The following CCZ1 variants were observed in gnomAD, a reference collection of about 807,000 sequenced individuals.
CCZ1 encodes the protein vacuolar fusion protein CCZ1 homolog.
A neutral mutation model predicts 57.8 loss-of-function variants in CCZ1; 19 were observed. That is an observed-to-expected ratio of 0.33 (90% CI 0.23 to 0.48). The LOEUF is 0.48. CCZ1 is among the 20% of genes least tolerant of loss of function. CCZ1 has a pLI of 0.99. For missense variants in CCZ1, 200 were observed against 492.0 expected (o/e 0.41, Z 5.61); for synonymous variants, 81 against 167.0 (o/e 0.49, Z 3.97).
chr7:5,914,179 T>C (rs1422166251), intron 10 of CCZ1, among the ~76,000 whole-genome samples: 2 of 147,804 alleles, frequency 1.4e-5, no homozygotes, highest in Non-Finnish European at 3.0e-5. Flanking sequence ...CCAGGTGCAG[T>C]CCCAGCACTT....
In CCZ1 at chr7:5,906,315, CTTTCTTTCTTTT is replaced by C. The variant is rs770297526; in HGVS notation, c.698+1050_698+1061del. Among the ~76,000 whole-genome samples, 680 of 110,108 alleles carry C rather than the reference CTTTCTTTCTTTT, an allele frequency of 6.2e-3. 45 individuals are homozygous for C. The highest frequency in any genetic ancestry group is 0.021 in the African/African-American group (575 of 27,140). 72.2% of individuals were successfully genotyped at this position (110,108 alleles called of 152,430 possible). A position where few individuals can be genotyped will look rare whatever the true frequency, so the allele number is the denominator to read the frequency against. On this transcript the variant is annotated intron_variant, in intron 7 of 14. Transcript: ENST00000325974. ...GTTCCCGTTGACTAGAGCCCACTTT[CTTTCTTTCTTTT>C]TTTTTTTTTTTTTTGAGACGGAGTC...
chr7:5,911,741 T>C, intron 8 of CCZ1, 120 bp from the exon 9 acceptor site: 1 of 1,192,584 alleles, frequency 8.4e-7, no homozygotes, highest in Non-Finnish European at 1.2e-6. Flanking sequence ...AACAAGATCC[T>C]GTCTCTAAAA....
At chr7:5,909,783 A>C (rs1307784159) in intron 7 of CCZ1, among the ~76,000 whole-genome samples, 3 of 150,194 alleles carry the variant, frequency 2.0e-5, no homozygotes, top group Non-Finnish European at 2.9e-5. Context: ...TTGACAAAGT[A>C]TACCACGTAA....
chr7:5,914,753 C>T (rs1372627883), intron 10 of CCZ1, among the ~76,000 whole-genome samples: 3 of 147,124 alleles, frequency 2.0e-5, no homozygotes, highest in African/African-American at 7.6e-5. Context: ...GCACACGCCT[C>T]TAATCCCAGC....
rs1781608621 is a variant in CCZ1 at position 5,898,813 on chromosome 7, CGGCCGG to C, written c.22_27del (p.Ala8_Gly9del). 1 of 394,178 alleles carries C rather than the reference CGGCCGG, an allele frequency of 2.5e-6. No individual in the cohort carries two copies. Among genetic ancestry groups the C allele is most frequent in the Non-Finnish European group, 4.3e-6 (1 of 231,188 alleles). The allele number at this position is 394,178 out of a possible 1,614,324, so 24.4% of individuals were successfully genotyped here. The stretch of plus-strand genomic sequence containing the variant: ...GGCCGGGGCGGGATGGCTGCAGCGG[CGGCCGG>C]GGCCGGGAGCGGGCCCTGGGCGGCC... On this transcript the variant is annotated inframe_deletion, in exon 1 of 15. Transcript: ENST00000325974.
chr7:5,909,508 C>G (rs772109101), intron 7 of CCZ1, among the ~76,000 whole-genome samples: 5 of 147,762 alleles, frequency 3.4e-5, no homozygotes, highest in Non-Finnish European at 6.0e-5. Flanking sequence ...TCGAAACCAG[C>G]CTGGCAACGT....
At chr7:5,920,617 G>A (rs1454177058) in intron 12 of CCZ1, among the ~76,000 whole-genome samples, 15 of 136,864 alleles carry the variant, frequency 1.1e-4, no homozygotes, top group African/African-American at 3.2e-4. Context: ...GATTACAGGC[G>A]TGCACCACCA....
intron 6 of CCZ1, among the ~76,000 whole-genome samples, chr7:5,903,247 G>T (rs1470781881): frequency 6.9e-6 from 1 of 145,104 alleles, no homozygotes; most frequent in Non-Finnish European, 1.5e-5. Context: ...CGTTGTAATT[G>T]AATTTTGCAT....
At chr7:5,912,377 CTTTTTTTTTTTTTTTTTTTTTT>C (rs4036238) in intron 9 of CCZ1, among the ~76,000 whole-genome samples, 1 of 54,672 alleles carries the variant, frequency 1.8e-5, no homozygotes, top group East Asian at 6.0e-4. Context: ...TCAGCATACC[CTTTTTTTTTTTTTTTTTTTTTT>C]TTTTTTTTTT....
At chr7:5,920,619 G>A (rs1779221285) in intron 12 of CCZ1, among the ~76,000 whole-genome samples, 2 of 137,690 alleles carry the variant, frequency 1.5e-5, no homozygotes, top group South Asian at 4.3e-4. Context: ...TTACAGGCGT[G>A]CACCACCATG....
chr7:5,911,800 A>G (rs1169093493), intron 8 of CCZ1, 61 bp from the exon 9 acceptor site: 65 of 1,188,256 alleles, frequency 5.5e-5, no homozygotes, highest in Non-Finnish European at 7.3e-5. Context: ...GCTGTTTTTC[A>G]AAGCTTGGAA....
intron 7 of CCZ1, among the ~76,000 whole-genome samples, chr7:5,907,513 G>A (rs1476313641): frequency 1.4e-5 from 2 of 147,568 alleles, no homozygotes; most frequent in East Asian, 4.6e-4. Flanking sequence ...CCCGCCATGG[G>A]TGCAAACTCC....
intron 7 of CCZ1, among the ~76,000 whole-genome samples, chr7:5,907,573 C>T (rs1297069845): frequency 1.4e-5 from 2 of 146,414 alleles, no homozygotes; most frequent in Admixed American, 6.7e-5. Flanking sequence ...TCCAGGAGCT[C>T]ATTCTGGGAG....
Position 5,900,455 on chromosome 7 carries a change from T to C in CCZ1, c.219-18T>C. 6.3e-7 allele frequency: 1 copy of C among 1,591,432 alleles called. No homozygotes were observed. Among genetic ancestry groups the C allele is most frequent in the Non-Finnish European group, 8.5e-7 (1 of 1,174,112 alleles). Reference sequence around the variant, plus strand: ...CTGCTGGAGAATTGTCCCAAACATATTTTTTTAACCTTTGTAGGACATTTA... The same window carrying C: ...CTGCTGGAGAATTGTCCCAAACATACTTTTTTAACCTTTGTAGGACATTTA... On this transcript the variant is annotated intron_variant, in intron 2 of 14. Coordinates refer to ENST00000325974, the MANE Select transcript of CCZ1 (RefSeq NM_015622.6).
intron 3 of CCZ1, 47 bp downstream of exon 3, chr7:5,900,613 A>G (rs1583179902): frequency 1.3e-6 from 2 of 1,581,390 alleles, no homozygotes; most frequent in African/African-American, 1.4e-5. Context: ...TGGTGAAGTT[A>G]TGGGTGATCT....
At chr7:5,909,109 T>C (rs1312155218) in intron 7 of CCZ1, among the ~76,000 whole-genome samples, 2 of 145,098 alleles carry the variant, frequency 1.4e-5, no homozygotes, top group East Asian at 4.5e-4. Context: ...CTTGTGACTT[T>C]TTTTTTTTTT....
chr7:5,914,511 G>T (rs1485492299), intron 10 of CCZ1, among the ~76,000 whole-genome samples: 1 of 148,872 alleles, frequency 6.7e-6, no homozygotes, highest in African/African-American at 2.5e-5. Flanking sequence ...GACTTTCAAA[G>T]TTCTGAGAGA....
At chr7:5,903,703 G>T (rs1781736232) in intron 6 of CCZ1, among the ~76,000 whole-genome samples, 1 of 147,188 alleles carries the variant, frequency 6.8e-6, no homozygotes, top group Non-Finnish European at 1.5e-5. Flanking sequence ...AGTATAAGAT[G>T]GCACTCTTGG....
rs1408791687 is a variant in CCZ1, at chr7:5,900,752, CTA to C, written c.313-101_313-100del. The C allele has an allele frequency of 3.0e-4, 467 of 1,577,364 alleles. 10 individuals are homozygous for C. The South Asian group carries it at 3.7e-3, about 13-fold the overall frequency. On this transcript the variant is annotated intron_variant, in intron 3 of 14. Transcript: ENST00000325974. ...TCATTCTTGGGGCTGTTTTAAGAAG[CTA>C]TGTTTCTGATGCTGTAGCATGTTCA... is the stretch of plus-strand genomic sequence containing the variant.
Sources: allele counts gnomAD v4.1 joint callset (sites outside exome capture counted in the v4.1 genomes callset), GRCh38; gene constraint gnomAD v4.1.1; transcripts MANE v1.5; gene names NCBI Gene and HGNC (gene_info 2026-07-23, HGNC 2026-07-21).